Variants in RBFOX3 observed in about 807,000 individuals in gnomAD.
The protein encoded by RBFOX3 is RNA binding protein fox-1 homolog 3.
RBFOX3 carries 17 observed loss-of-function variants against 48.7 expected under a neutral mutation model. The ratio of observed to expected loss-of-function variants is 0.35; its 90% confidence interval spans 0.24 to 0.52. The LOEUF is 0.52. Among genes scored for constraint, RBFOX3 ranks in the 20% least tolerant of loss-of-function variants. RBFOX3 has a pLI of 0.94. For synonymous variants in RBFOX3, 212 were observed against 209.5 expected, an observed-to-expected ratio of 1.01 and a Z score of -0.10; for missense variants, 382 against 497.5, an observed-to-expected ratio of 0.77 and a Z score of 2.21.
At chr17:79,639,275 C>T in the RBFOX3 span, among the ~76,000 whole-genome samples, 24 of 152,076 alleles carry the variant, frequency 1.6e-4, no homozygotes, top group Admixed American at 3.3e-4. Flanking sequence ...CCCAGGTTCA[C>T]GCCATTCTCC....
chr17:79,367,774 T>A (rs1050220323), intron 2 of RBFOX3, among the ~76,000 whole-genome samples: 2 of 152,032 alleles, frequency 1.3e-5, no homozygotes, highest in Middle Eastern at 3.2e-3. Flanking sequence ...GGGGTCTCTG[T>A]GGCAGCCAAG....
Position 79,468,976 on chromosome 17 carries a change from ATGGATGGATG to A in RBFOX3, c.-175+13468_-175+13477del, listed in dbSNP as rs1555755388. Among the ~76,000 whole-genome samples, 126 of 150,896 alleles carry A rather than the reference ATGGATGGATG, an allele frequency of 8.4e-4. 2 individuals are homozygous for A. The highest frequency in any genetic ancestry group is 1.3e-3 in the African/African-American group (53 of 41,146). On this transcript the variant is annotated intron_variant, in intron 2 of 14. Coordinates refer to ENST00000693108, the MANE Select transcript of RBFOX3 (RefSeq NM_001350451.2). ...GATGGATGGATGGATGGATGGATGG[ATGGATGGATG>A]GATAGCAGATAGGCAGGCAGGCAGA...
chr17:79,518,624 C>A (rs2085602529), intron 1 of RBFOX3, among the ~76,000 whole-genome samples: 1 of 152,224 alleles, frequency 6.6e-6, no homozygotes, highest in Admixed American at 6.5e-5. Flanking sequence ...ACTGGAAGGG[C>A]AGGCCTGGCG....
At chr17:79,150,635 C>T (rs1427600704) in intron 4 of RBFOX3, among the ~76,000 whole-genome samples, 1 of 152,282 alleles carries the variant, frequency 6.6e-6, no homozygotes, top group Middle Eastern at 3.4e-3. Context: ...CTGACCACCT[C>T]TGGGGGCAAG....
At chr17:79,328,529 G>A (rs2079693702) in intron 2 of RBFOX3, among the ~76,000 whole-genome samples, 1 of 152,198 alleles carries the variant, frequency 6.6e-6, no homozygotes, top group African/African-American at 2.4e-5. Flanking sequence ...CAATGGAAAT[G>A]GCCACCCATG....
At chr17:79,123,408 C>T (rs997364088) in intron 4 of RBFOX3, among the ~76,000 whole-genome samples, 1 of 151,894 alleles carries the variant, frequency 6.6e-6, no homozygotes, top group African/African-American at 2.4e-5. Flanking sequence ...CCCCCTCTAC[C>T]CCCAGCTCAG....
intron 2 of RBFOX3, among the ~76,000 whole-genome samples, chr17:79,353,123 G>C (rs1207660707): frequency 6.6e-6 from 1 of 152,234 alleles, no homozygotes; most frequent in Non-Finnish European, 1.5e-5. Context: ...CTATGAGCCT[G>C]CGTTGGCCTG....
intron 2 of RBFOX3, among the ~76,000 whole-genome samples, chr17:79,467,237 A>T (rs1021932541): frequency 4.6e-5 from 7 of 152,132 alleles, no homozygotes; most frequent in South Asian, 2.1e-4. Flanking sequence ...CTTCCCATGG[A>T]AACCTCTCCT....
chr17:79,559,214 A>G (rs2092001023), intron 1 of RBFOX3, among the ~76,000 whole-genome samples: 1 of 152,168 alleles, frequency 6.6e-6, no homozygotes, highest in Non-Finnish European at 1.5e-5. Context: ...CTAAAATAAT[A>G]CCTAGCATGC....
At chr17:79,375,564 T>G (rs1598429175) in intron 2 of RBFOX3, among the ~76,000 whole-genome samples, 2 of 152,300 alleles carry the variant, frequency 1.3e-5, no homozygotes, top group African/African-American at 4.8e-5. Context: ...GCCACCTTGT[T>G]GCCATCTCAA....
intron 2 of RBFOX3, among the ~76,000 whole-genome samples, chr17:79,312,526 C>T (rs1422238193): frequency 6.6e-6 from 1 of 152,096 alleles, no homozygotes; most frequent in African/African-American, 2.4e-5. Flanking sequence ...AGTGAGGATA[C>T]TAGGCCAGAC....
intron 1 of RBFOX3, among the ~76,000 whole-genome samples, chr17:79,490,321 G>A (rs2080303803): frequency 6.6e-6 from 1 of 152,218 alleles, no homozygotes; most frequent in African/African-American, 2.4e-5. Flanking sequence ...TGTCCTCAGT[G>A]CTGTGTTTAA....
chr17:79,140,466 C>T (rs138414602), intron 4 of RBFOX3, among the ~76,000 whole-genome samples: 116 of 152,378 alleles, frequency 7.6e-4, no homozygotes, highest in African/African-American at 2.6e-3. Context: ...CCAGACACAG[C>T]GTGTGCCAAG....
intron 2 of RBFOX3, among the ~76,000 whole-genome samples, chr17:79,465,005 T>C (rs1308350627): frequency 1.3e-5 from 2 of 152,230 alleles, no homozygotes; most frequent in African/African-American, 2.4e-5. Context: ...CCTGCCACAC[T>C]GCCATGGGGA....
intron 4 of RBFOX3, among the ~76,000 whole-genome samples, chr17:79,178,251 C>T (rs766042734): frequency 1.8e-4 from 27 of 152,312 alleles, no homozygotes; most frequent in Admixed American, 3.9e-4. Flanking sequence ...AGGACCCTTC[C>T]GCTTTTCTGA....
rs2078061014 is a variant in RBFOX3, at chr17:79,477,466, G to C, written c.-175+4988C>G. On this transcript the variant is annotated intron_variant, in intron 2 of 14. Coordinates refer to ENST00000693108, the MANE Select transcript of RBFOX3 (RefSeq NM_001350451.2). The surrounding 1 kb of genome is among the most constrained non-coding windows in gnomAD (Gnocchi z 4.8). ...AGCTACTTGGGAGGCTGAGGCAGGA[G>C]AATGGCGTGAACCCGGGAGGCGGAG... 1.3e-5 allele frequency among the ~76,000 whole-genome samples: 2 copies of C among 151,778 alleles called. No individual in the cohort carries two copies. Among genetic ancestry groups the C allele is most frequent in the Non-Finnish European group, 2.9e-5 (2 of 67,968 alleles).
At chr17:79,113,454 G>T (rs183779626) in intron 5 of RBFOX3, among the ~76,000 whole-genome samples, 2 of 152,134 alleles carry the variant, frequency 1.3e-5, no homozygotes, top group African/African-American at 4.8e-5. Context: ...CTGGATGAAA[G>T]ATCTGCAGAC....
At chr17:79,491,078 C>G (rs1260143357) in intron 1 of RBFOX3, among the ~76,000 whole-genome samples, 308 of 1,582 alleles carry the variant, frequency 0.19, 8 homozygotes, top group East Asian at 0.3. Context: ...GGAGGGGAGG[C>G]GAGGGGAGGC....
Position 79,390,228 on chromosome 17 carries a change from G to A in RBFOX3, c.-174-82404C>T, listed in dbSNP as rs913063148. 2.0e-5 allele frequency among the ~76,000 whole-genome samples: 3 copies of A among 152,210 alleles called. No homozygotes were observed. Among genetic ancestry groups the A allele is most frequent in the African/African-American group, 7.2e-5 (3 of 41,448 alleles). ...TGCACTGACTTTCAAGTGCCCAGAG[G>A]TCCTCCTAGAATAACACATCCCTCC... On this transcript the variant is annotated intron_variant, in intron 2 of 14. Coordinates refer to ENST00000693108, the MANE Select transcript of RBFOX3 (RefSeq NM_001350451.2). This position sits in a 1 kb window ranked among gnomAD's most constrained non-coding sequence, Gnocchi z 4.2.
Sources: allele counts gnomAD v4.1 joint callset (sites outside exome capture counted in the v4.1 genomes callset), GRCh38; gene constraint gnomAD v4.1.1; non-coding constraint Gnocchi (gnomAD v3.1); transcripts MANE v1.5; gene names NCBI Gene and HGNC (gene_info 2026-07-23, HGNC 2026-07-21).